The following DSG2 variants were observed in gnomAD, a reference collection of about 807,000 sequenced individuals.
The protein encoded by DSG2 is desmoglein-2.
In DSG2, 45 loss-of-function variants were observed where a neutral mutation model predicts 75.6. That is an observed-to-expected ratio of 0.60 (90% CI 0.47 to 0.76). The LOEUF (loss-of-function observed/expected upper bound fraction) is 0.76. DSG2 is among the 30% of genes least tolerant of loss of function. DSG2 has a pLI of 0.00. For missense variants in DSG2, 1,267 were observed against 1,357.4 expected, an observed-to-expected ratio of 0.93 and a Z score of 1.05; for synonymous variants, 429 against 483.9, an observed-to-expected ratio of 0.89 and a Z score of 1.49.
At chr18:31,522,029 G>T in intron 5 of DSG2, 54 bp from the exon 6 acceptor site, 2 of 1,534,054 alleles carry the variant, frequency 1.3e-6, no homozygotes, top group Non-Finnish European at 1.8e-6. Context: ...AAAATAACAG[G>T]TAAATATGCT....
At chr18:31,543,368 T>G (rs73416274) in intron 14 of DSG2, 3,968 of 153,540 alleles carry the variant, frequency 0.026, 188 homozygotes, top group African/African-American at 0.09. Context: ...AGGGATGAGC[T>G]CCGTAGGAGA....
rs773539488 is a variant in DSG2, at chr18:31,498,271, G to C, written c.20G>C (p.Arg7Pro). The change falls in exon 1 of 15, where the codon CGC (arginine) becomes CCC (proline). Residue 7 changes from arginine to proline, a missense_variant. Physicochemically the swap from Arg to Pro is moderately radical, Grantham distance 103. Coordinates refer to ENST00000261590, the MANE Select transcript of DSG2 (RefSeq NM_001943.5). ...GGTGCGATGGCGCGGAGCCCGGGAC[G>C]CGCGTACGCCCTGCTGCTTCTCCTG... MARSPG[R>P]AYALLLLLIC... is the part of the protein sequence containing the mutation. 1 of 1,263,260 alleles carries C rather than the reference G, an allele frequency of 7.9e-7. No individual in the cohort carries two copies. The highest frequency in any genetic ancestry group is 1.0e-6 in the Non-Finnish European group (1 of 999,984). The allele number at this position is 1,263,260 out of a possible 1,614,324, so 78.3% of individuals were successfully genotyped here. A position where few individuals can be genotyped will look rare whatever the true frequency, so the allele number is the denominator to read the frequency against.
At chr18:31,504,381 T>C (rs887721460) in intron 1 of DSG2, among the ~76,000 whole-genome samples, 3 of 152,246 alleles carry the variant, frequency 2.0e-5, no homozygotes, top group African/African-American at 7.2e-5. Context: ...AAAGTGCTAA[T>C]TGAGAAACTG....
chr18:31,538,672 A>T, intron 11 of DSG2, 79 bp from the exon 12 acceptor site: 1 of 1,137,664 alleles, frequency 8.8e-7, no homozygotes, highest in Non-Finnish European at 1.3e-6. Context: ...CAGCAATGAA[A>T]GAACATTTGT....
chr18:31,522,289 A>G (rs1169160370), intron 6 of DSG2, 40 bp downstream of exon 6: 9 of 1,572,750 alleles, frequency 5.7e-6, no homozygotes, highest in Non-Finnish European at 6.1e-6. Context: ...TAAACTCTCT[A>G]TCCTTTCCAG....
intron 14 of DSG2, 73 bp downstream of exon 14, chr18:31,542,925 G>T: frequency 4.6e-6 from 5 of 1,075,644 alleles, no homozygotes; most frequent in South Asian, 1.7e-5. Context: ...TATTATTAGG[G>T]TAATCATTGC....
At chr18:31,526,953 G>A (rs2073166406) in intron 8 of DSG2, among the ~76,000 whole-genome samples, 1 of 151,944 alleles carries the variant, frequency 6.6e-6, no homozygotes, top group East Asian at 1.9e-4. Context: ...GAGAAAGAAA[G>A]TTTCATTTTT....
At position 31,546,134 on chromosome 18, in the gene DSG2, G is replaced by C. The variant is rs1449849317; in HGVS notation, c.2748G>C (p.Gln916His). 1 of 1,614,194 alleles carries C rather than the reference G, an allele frequency of 6.2e-7. No individual in the cohort carries two copies. Among genetic ancestry groups the C allele is most frequent in the Admixed American group, 1.7e-5 (1 of 60,020 alleles). ...CTGAAAGATCTGTGTCTTCTAGGCA[G>C]GCGCAAAAGGTAGCTACACCTCTTC... ...IVTERSVSSR[Q>H]AQKVATPLPD... The change falls in exon 15 of 15, where the codon CAG (glutamine) becomes CAC (histidine). Residue 916 changes from glutamine to histidine, a missense_variant. Physicochemically the swap from Gln to His is conservative, Grantham distance 24 (BLOSUM62 0). Coordinates refer to ENST00000261590, the MANE Select transcript of DSG2 (RefSeq NM_001943.5).
rs924135270 is a variant in DSG2 at position 31,517,049 on chromosome 18, C to T, written c.46-1190C>T. ...TTAGAAAGTGCTGGTTCAGATTGAG[C>T]CAAGAGAAGAAGGAAGCCAGCAGGG... On this transcript the variant is annotated intron_variant, in intron 1 of 14. Coordinates refer to ENST00000261590, the MANE Select transcript of DSG2 (RefSeq NM_001943.5). 3.3e-5 allele frequency among the ~76,000 whole-genome samples: 5 copies of T among 152,128 alleles called. No individual in the cohort carries two copies. The East Asian group carries it at 9.6e-4, about 29-fold the overall frequency.
intron 10 of DSG2, among the ~76,000 whole-genome samples, chr18:31,535,939 A>T (rs920649705): frequency 2.6e-5 from 4 of 152,176 alleles, no homozygotes; most frequent in African/African-American, 9.7e-5. Flanking sequence ...TGAGGGGTAG[A>T]TAAAATTTAA....
At position 31,524,779 on chromosome 18, in the gene DSG2, G is replaced by A. The variant is rs1338174918; in HGVS notation, c.905G>A (p.Gly302Asp). The A allele has an allele frequency of 7.4e-6, 12 of 1,614,132 alleles. No individual in the cohort carries two copies. The highest frequency in any genetic ancestry group is 3.3e-5 in the South Asian group (3 of 91,082). The change falls in exon 8 of 15, where the codon GGT (glycine) becomes GAT (aspartate). Residue 302 changes from glycine (G) to aspartate (D), a missense_variant. Gly to Asp is a moderately conservative substitution (Grantham distance 94, BLOSUM62 -1). Coordinates refer to ENST00000261590, the MANE Select transcript of DSG2 (RefSeq NM_001943.5). ...AAAGTGTTCGATGCAGATGAAATAG[G>A]TTCTGATAATTGGCTGGCAAATTTT... Reference protein sequence around the residue: ...RIKVFDADEIGSDNWLANFTF... With the variant: ...RIKVFDADEIDSDNWLANFTF...
intron 1 of DSG2, among the ~76,000 whole-genome samples, chr18:31,502,447 T>A (rs2073018414): frequency 6.6e-6 from 1 of 152,204 alleles, no homozygotes; most frequent in Non-Finnish European, 1.5e-5. Flanking sequence ...TGCCAAATTA[T>A]ATTTAAAATT....
chr18:31,539,192 C>T (rs941320015), intron 12 of DSG2, among the ~76,000 whole-genome samples: 1 of 152,166 alleles, frequency 6.6e-6, no homozygotes, highest in African/African-American at 2.4e-5. Flanking sequence ...ATATCCTTTT[C>T]TGGTTTCAGT....
chr18:31,538,000 T>G (rs748012105), intron 11 of DSG2, among the ~76,000 whole-genome samples: 1 of 151,766 alleles, frequency 6.6e-6, no homozygotes, highest in Non-Finnish European at 1.5e-5. Flanking sequence ...TTTCAAAAAA[T>G]AAGAAGAAGA....
rs1156468696 is a variant in DSG2 at position 31,546,099 on chromosome 18, G to A, written c.2713G>A (p.Glu905Lys). Residue 905 changes from glutamate to lysine, a missense_variant, in exon 15 of 15, where the codon GAA becomes AAA. Transcript: ENST00000261590. ...QEANAEKVTQ[E>K]IVTERSVSSR... ...AGCCAATGCAGAGAAAGTAACTCAG[G>A]AAATAGTCACTGAAAGATCTGTGTC... 5 of 1,614,046 alleles carry A rather than the reference G, an allele frequency of 3.1e-6. No homozygotes were observed. Among genetic ancestry groups the A allele is most frequent in the Non-Finnish European group, 2.5e-6 (3 of 1,180,050 alleles).
Position 31,536,126 on chromosome 18 carries a change from G to C in DSG2, c.1424-76G>C. On this transcript the variant is annotated intron_variant, in intron 10 of 14. Transcript: ENST00000261590. ...GTTAGTACCTTCTCCACTCCAAATT[G>C]GCAAGGGAATTCAAACTATGTCTGT... 6.3e-6 allele frequency: 9 copies of C among 1,425,546 alleles called. No individual in the cohort carries two copies. In the South Asian group the frequency reaches 9.6e-5, roughly 15 times the overall value. The allele number at this position is 1,425,546 out of a possible 1,614,324, so 88.3% of individuals were successfully genotyped here.
chr18:31,525,585 A>AGCTGTGATAACTTGATAGTTAAGTGT (rs2073158512), intron 8 of DSG2, among the ~76,000 whole-genome samples: 1 of 152,064 alleles, frequency 6.6e-6, no homozygotes, highest in Non-Finnish European at 1.5e-5. Flanking sequence ...TAAAAATAAA[A>AGCTGTGATAACTTGATAGTTAAGTGT]GCTGTGATAA....
Position 31,498,311 on chromosome 18 carries a change from C to G in DSG2, c.45+15C>G. 3 of 1,261,080 alleles carry G rather than the reference C, an allele frequency of 2.4e-6. No homozygotes were observed. Among genetic ancestry groups the G allele is most frequent in the Admixed American group, 4.0e-5 (1 of 24,876 alleles). 78.1% of individuals were successfully genotyped at this position (1,261,080 alleles called of 1,614,324 possible). A position where few individuals can be genotyped will look rare whatever the true frequency, so the allele number is the denominator to read the frequency against. On this transcript the variant is annotated intron_variant, in intron 1 of 14. Coordinates refer to ENST00000261590, the MANE Select transcript of DSG2 (RefSeq NM_001943.5). Reference sequence around the variant, plus strand: ...TGCTTCTCCTGGTAAGTGCCGCAAGCGGGACAGGGGAGCCACCGCCGGGGA... The same window carrying G: ...TGCTTCTCCTGGTAAGTGCCGCAAGGGGGACAGGGGAGCCACCGCCGGGGA...
Position 31,519,910 on chromosome 18 carries a change from T to A in DSG2, c.189T>A (p.Asp63Glu), listed in dbSNP as rs1443722147. The A allele has an allele frequency of 6.2e-7, 1 of 1,614,106 alleles. No individual in the cohort carries two copies. The change falls in exon 3 of 15, where the codon GAT becomes GAA. Residue 63 changes from aspartate to glutamate, a missense_variant. Asp to Glu is a conservative substitution (Grantham distance 45). Transcript: ENST00000261590. ...CCGTGGCTCTTCGGGAGGGAGAGGATCTGTCCAAGAAGAATCCAATTGCCA... is the reference window on the plus strand; with the variant it reads ...CCGTGGCTCTTCGGGAGGGAGAGGAACTGTCCAAGAAGAATCCAATTGCCA... ...TAPVALREGE[D>E]LSKKNPIAKI...
Sources: gnomAD v4.1 joint callset for allele counts (sites outside exome capture counted in the v4.1 genomes callset) on GRCh38, gnomAD v4.1.1 for gene constraint, MANE v1.5 for transcripts, NCBI Gene and HGNC (gene_info 2026-07-23, HGNC 2026-07-21) for gene names.